The following TSPAN15 variants were observed in gnomAD, a reference collection of about 807,000 sequenced individuals.
TSPAN15 encodes the protein tetraspanin-15.
A neutral mutation model predicts 34.5 loss-of-function variants in TSPAN15; 20 were observed. That is an observed-to-expected ratio of 0.58 (90% CI 0.41 to 0.84). The LOEUF (loss-of-function observed/expected upper bound fraction) is 0.84, where lower values mean the gene tolerates loss of function less well. TSPAN15 is among the 40% of genes least tolerant of loss of function. The probability of loss-of-function intolerance (pLI) is 0.00; values close to 1 mark genes in which losing one functional copy is unlikely to be tolerated. For missense variants in TSPAN15, 313 were observed against 386.1 expected (o/e 0.81, Z 1.59); for synonymous variants, 155 against 153.9 (o/e 1.01, Z -0.05).
chr10:69,499,802 C>T (rs1842165042), intron 5 of TSPAN15, among the ~76,000 whole-genome samples: 1 of 152,092 alleles, frequency 6.6e-6, no homozygotes, highest in African/African-American at 2.4e-5. Context: ...AGGAAGGTGT[C>T]TGGGGGAGGG....
chr10:69,545,849 G>A, the TSPAN15 span, among the ~76,000 whole-genome samples: 23 of 152,224 alleles, frequency 1.5e-4, no homozygotes, highest in Middle Eastern at 3.4e-3. Context: ...CCAGCTACTC[G>A]GGAGGCTGAG....
At chr10:69,484,268 G>T (rs889191848) in intron 2 of TSPAN15, among the ~76,000 whole-genome samples, 8 of 152,216 alleles carry the variant, frequency 5.3e-5, no homozygotes, top group African/African-American at 1.9e-4. Flanking sequence ...AATCTCCCCA[G>T]CCCCTGCCAG....
chr10:69,515,987 T>C, the TSPAN15 span, among the ~76,000 whole-genome samples: 1 of 152,154 alleles, frequency 6.6e-6, no homozygotes, highest in African/African-American at 2.4e-5. Flanking sequence ...GTCCTGATTG[T>C]AGTAGGTGCT....
chr10:69,485,749 G>C (rs1841838956), intron 3 of TSPAN15, among the ~76,000 whole-genome samples: 1 of 143,406 alleles, frequency 7.0e-6, no homozygotes, highest in African/African-American at 2.7e-5. Flanking sequence ...AGTTGAGGGT[G>C]TACACAGGGG....
chr10:69,545,732 G>A, the TSPAN15 span, among the ~76,000 whole-genome samples: 108 of 152,196 alleles, frequency 7.1e-4, no homozygotes, highest in African/African-American at 1.8e-3. Context: ...GGAGGCAGGC[G>A]AATCACAAAG....
intron 3 of TSPAN15, among the ~76,000 whole-genome samples, chr10:69,485,416 G>A (rs1454669245): frequency 6.6e-6 from 1 of 152,196 alleles, no homozygotes; most frequent in Non-Finnish European, 1.5e-5. Context: ...CGCCTGGGGA[G>A]GAGATGGGAG....
chr10:69,461,201 A>C (rs920015588), intron 1 of TSPAN15, among the ~76,000 whole-genome samples: 1 of 152,146 alleles, frequency 6.6e-6, no homozygotes, highest in African/African-American at 2.4e-5. Flanking sequence ...AGAGGAGGAG[A>C]CTAAGGCCCT....
intron 5 of TSPAN15, among the ~76,000 whole-genome samples, chr10:69,502,465 A>C (rs997860369): frequency 6.6e-6 from 1 of 152,136 alleles, no homozygotes; most frequent in African/African-American, 2.4e-5. Flanking sequence ...TCAGGGTGAG[A>C]GGATGCACAC....
intron 1 of TSPAN15, among the ~76,000 whole-genome samples, chr10:69,467,637 AAC>A (rs36028041): frequency 0.098 from 7,594 of 77,810 alleles, 229 homozygotes; most frequent in Non-Finnish European, 0.17. Context: ...AAAACAAAAC[AAC>A]ACACACACAC....
At position 69,483,865 on chromosome 10, in the gene TSPAN15, C is replaced by T. The variant is rs1841792150; in HGVS notation, c.271C>T (p.Leu91Phe). The T allele has an allele frequency of 6.2e-7, 1 of 1,613,460 alleles. No individual in the cohort carries two copies. The highest frequency in any genetic ancestry group is 8.5e-7 in the Non-Finnish European group (1 of 1,179,816). Residue 91 changes from leucine (L) to phenylalanine (F), a missense_variant, in exon 2 of 8, where the codon CTT (leucine) becomes TTT (phenylalanine). Physicochemically the swap from Leu to Phe is conservative, Grantham distance 22. Transcript: ENST00000373290. Reference sequence around the variant, plus strand: ...GGCGTCCCTCCGTGACAACCTGTACCTTCTCCAAGCAGTGAGTGGACCACA... The same window carrying T: ...GGCGTCCCTCCGTGACAACCTGTACTTTCTCCAAGCAGTGAGTGGACCACA... ...VLASLRDNLY[L>F]LQAFMYILGI...
chr10:69,549,043 C>A, the TSPAN15 span, among the ~76,000 whole-genome samples: 1 of 135,172 alleles, frequency 7.4e-6, no homozygotes, highest in Non-Finnish European at 1.7e-5. Context: ...TGCAACCCCT[C>A]TTTAATGGAA....
intron 1 of TSPAN15, among the ~76,000 whole-genome samples, chr10:69,452,554 G>A (rs2033371): frequency 0.24 from 36,397 of 151,990 alleles, 4,422 homozygotes; most frequent in African/African-American, 0.26. Flanking sequence ...CGGAGATTAC[G>A]TGAAATAGGC....
At chr10:69,495,537 G>C in intron 3 of TSPAN15, 57 bp from the exon 4 acceptor site, 3 of 1,322,592 alleles carry the variant, frequency 2.3e-6, no homozygotes, top group Non-Finnish European at 2.2e-6. Flanking sequence ...GGAAAACCTT[G>C]GGTTGGACTC....
chr10:69,467,553 G>A (rs1037057180), intron 1 of TSPAN15, among the ~76,000 whole-genome samples: 2 of 152,208 alleles, frequency 1.3e-5, no homozygotes, highest in Admixed American at 6.5e-5. Context: ...GGTTGAGGCT[G>A]CAGTGAGCTA....
intron 1 of TSPAN15, among the ~76,000 whole-genome samples, chr10:69,472,574 T>A (rs1841529900): frequency 6.6e-6 from 1 of 152,182 alleles, no homozygotes; most frequent in Non-Finnish European, 1.5e-5. Flanking sequence ...CAGTGAGTGC[T>A]GCCTTGGAAT....
intron 2 of TSPAN15, among the ~76,000 whole-genome samples, chr10:69,484,285 C>G (rs928147799): frequency 1.3e-5 from 2 of 152,210 alleles, no homozygotes; most frequent in Admixed American, 1.3e-4. Context: ...CCAGCCGGGG[C>G]TGCTCCCTTT....
At chr10:69,539,415 G>GGAAGAA in the TSPAN15 span, among the ~76,000 whole-genome samples, 12,785 of 101,926 alleles carry the variant, frequency 0.13, 1,145 homozygotes, top group East Asian at 0.17. Flanking sequence ...AAGAGGAAGA[G>GGAAGAA]GAAGAAGAAG....
At chr10:69,466,124 G>T (rs963154697) in intron 1 of TSPAN15, among the ~76,000 whole-genome samples, 1 of 152,248 alleles carries the variant, frequency 6.6e-6, no homozygotes, top group Non-Finnish European at 1.5e-5. Flanking sequence ...CAGAAGTGGG[G>T]CCAGCATCAC....
At position 69,483,711 on chromosome 10, in the gene TSPAN15, G is replaced by A; in HGVS notation, c.117G>A (p.Leu39=). ...TVFWLIGALV[L]SVGIYAEVER... ...TGCAGCTGATTGGGGCCCTGGTCCTGTCTGTGGGCATCTATGCAGAGGTTG... is the reference window on the plus strand; with the variant it reads ...TGCAGCTGATTGGGGCCCTGGTCCTATCTGTGGGCATCTATGCAGAGGTTG... Residue 39 remains leucine, a synonymous_variant, in exon 2 of 8, where the codon CTG becomes CTA. Coordinates refer to ENST00000373290, the MANE Select transcript of TSPAN15 (RefSeq NM_012339.5). 1 of 1,614,128 alleles carries A rather than the reference G, an allele frequency of 6.2e-7. No individual in the cohort carries two copies. Among genetic ancestry groups the A allele is most frequent in the Non-Finnish European group, 8.5e-7 (1 of 1,179,992 alleles).
Sources: gnomAD v4.1 joint callset for allele counts (sites outside exome capture counted in the v4.1 genomes callset) on GRCh38, gnomAD v4.1.1 for gene constraint, MANE v1.5 for transcripts, NCBI Gene and HGNC (gene_info 2026-07-23, HGNC 2026-07-21) for gene names.